The following PYY variants were observed in gnomAD, a reference collection of about 807,000 sequenced individuals.
PYY encodes peptide tyrosine tyrosine.
A neutral mutation model predicts 10.3 loss-of-function variants in PYY; 12 were observed. The observed-to-expected ratio is 1.17, with a 90% CI of 0.75 to 1.89. PYY has a LOEUF of 1.89. Ranked by LOEUF, PYY falls within the 40% of genes most tolerant of loss-of-function variation. The probability of loss-of-function intolerance (pLI) is 0.00; values close to 1 mark genes in which losing one functional copy is unlikely to be tolerated. For missense variants in PYY, 141 were observed against 134.0 expected (o/e 1.05, Z -0.26); for synonymous variants, 66 against 62.0 (o/e 1.06, Z -0.30).
chr17:43,990,453 A>G (rs200584592), intron 1 of PYY, among the ~76,000 whole-genome samples: 7,585 of 150,252 alleles, frequency 0.05, 262 homozygotes, highest in East Asian at 0.12. Flanking sequence ...AAAAAAAAAA[A>G]AAAGAAAGAA....
At chr17:43,972,661 T>C (rs1237735015) in intron 1 of PYY, among the ~76,000 whole-genome samples, 1 of 152,132 alleles carries the variant, frequency 6.6e-6, no homozygotes, top group African/African-American at 2.4e-5. Flanking sequence ...TCCTAGTTGC[T>C]AGGCAAACAG....
chr17:43,953,346 G>A lies in PYY; in HGVS notation c.138C>T (p.Asn46=). The A allele has an allele frequency of 1.9e-6, 3 of 1,612,756 alleles. No individual in the cohort carries two copies. The highest frequency in any genetic ancestry group is 1.7e-6 in the Non-Finnish European group (2 of 1,179,520). The change falls in exon 2 of 4, where the codon AAC becomes AAT. Residue 46 remains asparagine, a synonymous_variant. Transcript: ENST00000692052. ...AGTGGCGCAGGGAGGCGTAGTAGCG[G>A]TTCAGCTCCTCCGGCGAGGCGTCTT... is the stretch of plus-strand genomic sequence containing the variant. ...PREDASPEEL[N]RYYASLRHYL...
chr17:43,982,450 A>G (rs555199362), intron 1 of PYY, among the ~76,000 whole-genome samples: 2 of 152,376 alleles, frequency 1.3e-5, no homozygotes, highest in African/African-American at 4.8e-5. Flanking sequence ...ACGCCACTTA[A>G]CTACAGTGTG....
chr17:43,994,775 C>A (rs1397522920), intron 1 of PYY, among the ~76,000 whole-genome samples: 1 of 152,234 alleles, frequency 6.6e-6, no homozygotes, highest in Non-Finnish European at 1.5e-5. Context: ...CACCCACGAG[C>A]TGCGTTTTCC....
Position 43,972,648 on chromosome 17 carries a change from C to T in PYY, c.-462-6116G>A, listed in dbSNP as rs1177166200. 2.0e-5 allele frequency among the ~76,000 whole-genome samples: 3 copies of T among 152,250 alleles called. No individual in the cohort carries two copies. In the South Asian group the frequency reaches 6.2e-4, roughly 32 times the overall value. ...AGCTCAAACGATCTTCCCACCTCAG[C>T]CTTCCTAGTTGCTAGGCAAACAGGC... On this transcript the variant is annotated intron_variant, in intron 1 of 6. Transcript: ENST00000360085.
chr17:43,953,223 C>A, intron 2 of PYY, 34 bp from the exon 3 acceptor site: 2 of 1,611,822 alleles, frequency 1.2e-6, no homozygotes, highest in Admixed American at 1.7e-5. Context: ...GTGGTCAGAT[C>A]TGGCCACGCC....
At chr17:43,998,202 G>T (rs186183368) in intron 1 of PYY, among the ~76,000 whole-genome samples, 1 of 151,462 alleles carries the variant, frequency 6.6e-6, no homozygotes, top group East Asian at 1.9e-4. Flanking sequence ...GCCTCCCAAA[G>T]TATTGGGATT....
At chr17:43,972,250 G>T (rs2143920496) in intron 1 of PYY, among the ~76,000 whole-genome samples, 1 of 148,860 alleles carries the variant, frequency 6.7e-6, no homozygotes, top group Non-Finnish European at 1.5e-5. Context: ...GTCTCATTTT[G>T]TCACCCAGGC....
At chr17:43,981,704 G>C (rs2048884848) in intron 1 of PYY, among the ~76,000 whole-genome samples, 1 of 152,032 alleles carries the variant, frequency 6.6e-6, no homozygotes, top group Non-Finnish European at 1.5e-5. Flanking sequence ...TGGCCAGGTT[G>C]GTCTCGAACT....
At chr17:43,995,759 A>T (rs59852770) in intron 1 of PYY, among the ~76,000 whole-genome samples, 1 of 147,454 alleles carries the variant, frequency 6.8e-6, no homozygotes, top group East Asian at 2.2e-4. Context: ...GCTTGAACCC[A>T]GGAGGCAGAG....
At chr17:43,986,269 A>C (rs1025850338) in intron 1 of PYY, among the ~76,000 whole-genome samples, 5 of 152,194 alleles carry the variant, frequency 3.3e-5, no homozygotes, top group African/African-American at 1.2e-4. Flanking sequence ...GTCTCAAAAA[A>C]AAAGAAAAGA....
chr17:43,972,539 A>T (rs911191157), intron 1 of PYY, among the ~76,000 whole-genome samples: 46 of 147,776 alleles, frequency 3.1e-4, no homozygotes, highest in Admixed American at 8.8e-4. Context: ...TTTAAAAAAC[A>T]TTTTTTTTTT....
intron 1 of PYY, among the ~76,000 whole-genome samples, chr17:43,994,733 GAT>G (rs1262638589): frequency 6.6e-6 from 1 of 152,134 alleles, no homozygotes; most frequent in Non-Finnish European, 1.5e-5. Context: ...CTTTGCCCCT[GAT>G]TCCCCCGTTA....
intron 1 of PYY, among the ~76,000 whole-genome samples, chr17:43,994,917 G>C (rs1400089700): frequency 6.6e-6 from 1 of 152,138 alleles, no homozygotes; most frequent in Non-Finnish European, 1.5e-5. Context: ...AGGGTATCAG[G>C]AGTCGCCCCA....
Position 43,975,725 on chromosome 17 carries a change from AATATATAT to A in PYY, c.-462-9201_-462-9194del, listed in dbSNP as rs745420304. 9.3e-3 allele frequency among the ~76,000 whole-genome samples: 779 copies of A among 83,728 alleles called. 188 individuals carry two copies. Among genetic ancestry groups the A allele is most frequent in the African/African-American group, 0.058 (742 of 12,828 alleles). 54.9% of individuals were successfully genotyped at this position (83,728 alleles called of 152,430 possible). A position where few individuals can be genotyped will look rare whatever the true frequency, so the allele number is the denominator to read the frequency against. On this transcript the variant is annotated intron_variant, in intron 1 of 6. Coordinates refer to the PYY transcript ENST00000360085. The stretch of plus-strand genomic sequence containing the variant: ...CAGGAGTAAGACCCTGAAAAAAAAA[AATATATAT>A]ATATATATATATACACACACACACA...
intron 1 of PYY, among the ~76,000 whole-genome samples, chr17:43,972,465 C>T (rs1231184926): frequency 6.6e-6 from 1 of 151,966 alleles, no homozygotes; most frequent in Non-Finnish European, 1.5e-5. Context: ...ATCTGCCTGC[C>T]TCAGCCTCCC....
At chr17:43,955,424 G>A (rs926489618), upstream of PYY, among the ~76,000 whole-genome samples, 8 of 152,252 alleles carry the variant, frequency 5.3e-5, no homozygotes, top group Middle Eastern at 3.4e-3. Flanking sequence ...AGGGCTCTCT[G>A]TCACCATTTT....
At chr17:43,962,602 C>G (rs1468620062) in intron 2 of PYY, among the ~76,000 whole-genome samples, 1 of 152,182 alleles carries the variant, frequency 6.6e-6, no homozygotes, top group East Asian at 1.9e-4. Flanking sequence ...ACTGCCGGGA[C>G]CAATTTGCCT....
chr17:43,973,732 T>C (rs1374900018), intron 1 of PYY, among the ~76,000 whole-genome samples: 1 of 152,088 alleles, frequency 6.6e-6, no homozygotes, highest in Non-Finnish European at 1.5e-5. Flanking sequence ...AAGGCAGAGA[T>C]TGCAGTGAGC....
Sources: allele counts gnomAD v4.1 joint callset (sites outside exome capture counted in the v4.1 genomes callset), GRCh38; gene constraint gnomAD v4.1.1; transcripts MANE v1.5; gene names NCBI Gene and HGNC (gene_info 2026-07-23, HGNC 2026-07-21).